The following BRAF variants were observed in gnomAD, a reference collection of about 807,000 sequenced individuals.
BRAF encodes the protein serine/threonine-protein kinase B-raf.
BRAF carries 16 observed loss-of-function variants against 104.6 expected under a neutral mutation model. The observed-to-expected ratio is 0.15, with a 90% confidence interval of 0.10 to 0.23. BRAF has a LOEUF of 0.23. Among genes scored for constraint, BRAF ranks in the 10% least tolerant of loss-of-function variants. The probability of loss-of-function intolerance (pLI) is 1.00; values close to 1 mark genes in which losing one functional copy is unlikely to be tolerated. For missense variants in BRAF, 541 were observed against 937.3 expected (o/e 0.58, Z 5.52); for synonymous variants, 310 against 341.6 (o/e 0.91, Z 1.02).
chr7:140,760,153 C>G (rs1021862817), intron 14 of BRAF, among the ~76,000 whole-genome samples: 5 of 152,288 alleles, frequency 3.3e-5, no homozygotes, highest in African/African-American at 1.2e-4. Context: ...TGGATCATGC[C>G]TGTAATTCCA....
intron 2 of BRAF, among the ~76,000 whole-genome samples, chr7:140,847,233 C>T (rs1272090403): frequency 6.6e-6 from 1 of 151,812 alleles, no homozygotes; most frequent in African/African-American, 2.4e-5. Flanking sequence ...ATATATCCAT[C>T]CCCTCATTAA....
intron 19 of BRAF, chr7:140,733,766 T>G (rs147952030): frequency 1.2e-3 from 197 of 158,178 alleles, no homozygotes; most frequent in Non-Finnish European, 1.9e-3. Flanking sequence ...AAAACACACC[T>G]AAAAGTTCTC....
chr7:140,863,638 TG>T (rs1235324673), intron 1 of BRAF, among the ~76,000 whole-genome samples: 1 of 152,076 alleles, frequency 6.6e-6, no homozygotes, highest in Non-Finnish European at 1.5e-5. Flanking sequence ...ATCATGGGGG[TG>T]GATCTTTCAT....
intron 2 of BRAF, among the ~76,000 whole-genome samples, chr7:140,844,976 A>G (rs1808393433): frequency 6.6e-6 from 1 of 152,204 alleles, no homozygotes; most frequent in Non-Finnish European, 1.5e-5. Context: ...TTTGAAAAAG[A>G]ACAAAGTTGG....
chr7:140,831,148 C>T (rs1200558882), intron 3 of BRAF, among the ~76,000 whole-genome samples: 1 of 152,124 alleles, frequency 6.6e-6, no homozygotes, highest in Admixed American at 6.5e-5. Context: ...ACAACAATTG[C>T]AGACAATTGG....
At position 140,783,028 on chromosome 7, in the gene BRAF, T is replaced by C; in HGVS notation, c.1427A>G (p.Asn476Ser). 6.2e-7 allele frequency: 1 copy of C among 1,613,790 alleles called. No homozygotes were observed. Among genetic ancestry groups the C allele is most frequent in the Non-Finnish European group, 8.5e-7 (1 of 1,179,892 alleles). Residue 476 changes from asparagine to serine, a missense_variant, in exon 11 of 20, where the codon AAT (asparagine) becomes AGT (serine). By Grantham distance (46) the Asn-to-Ser change is conservative. Transcript: ENST00000644969. The part of the protein sequence containing the change: ...RKSSSSSEDR[N>S]RMKTLGRRDS... ...GATATCATATACTCTTACCATTCGA[T>C]TCCTGTCTTCTGAGGATGAAGATGA...
Position 140,759,341 on chromosome 7 carries a change from T to C in BRAF, c.1815-5108A>G, listed in dbSNP as rs75892190. Among the ~76,000 whole-genome samples the C allele has an allele frequency of 3.3e-4, 51 of 152,344 alleles. 2 individuals are homozygous for C. The East Asian group carries it at 9.4e-3, about 28-fold the overall frequency. On this transcript the variant is annotated intron_variant, in intron 14 of 19. Transcript: ENST00000644969. ...TACCAGCAATGTATGAGAGTTCCAGTTGTTCTTTATCCTTGATAATACTTT... is the reference window on the plus strand; with the variant it reads ...TACCAGCAATGTATGAGAGTTCCAGCTGTTCTTTATCCTTGATAATACTTT...
intron 9 of BRAF, among the ~76,000 whole-genome samples, chr7:140,786,396 G>C (rs549365904): frequency 5.3e-5 from 8 of 152,298 alleles, no homozygotes; most frequent in Non-Finnish European, 1.2e-4. Flanking sequence ...TCAACTCTAA[G>C]CATGATAAGC....
intron 19 of BRAF, chr7:140,731,953 C>G (rs1029957997): frequency 6.6e-6 from 1 of 151,168 alleles, no homozygotes; most frequent in African/African-American, 2.4e-5. Context: ...GGGCGGATCA[C>G]GAGGTCAGGA....
At chr7:140,886,768 G>A (rs1480285242) in intron 1 of BRAF, among the ~76,000 whole-genome samples, 2 of 152,282 alleles carry the variant, frequency 1.3e-5, no homozygotes, top group African/African-American at 4.8e-5. Flanking sequence ...TTGCGTGTGT[G>A]TGTATGTATG....
intron 1 of BRAF, among the ~76,000 whole-genome samples, chr7:140,922,426 A>C (rs1274977968): frequency 6.6e-6 from 1 of 152,236 alleles, no homozygotes; most frequent in Non-Finnish European, 1.5e-5. Context: ...CAAATAAAAT[A>C]GAAGGGTAGA....
intron 17 of BRAF, among the ~76,000 whole-genome samples, chr7:140,745,351 A>C (rs1287198529): frequency 6.6e-6 from 1 of 152,244 alleles, no homozygotes; most frequent in East Asian, 1.9e-4. Flanking sequence ...AAAAAAATCA[A>C]AGACAACTCT....
In BRAF at chr7:140,850,608, A is replaced by G. The variant is rs149418064; in HGVS notation, c.139-396T>C. 8.7e-4 allele frequency among the ~76,000 whole-genome samples: 133 copies of G among 152,304 alleles called. 2 individuals are homozygous for G. The highest frequency in any genetic ancestry group is 2.7e-3 in the African/African-American group (114 of 41,574). On this transcript the variant is annotated intron_variant, in intron 1 of 19. Coordinates refer to ENST00000644969, the MANE Select transcript of BRAF (RefSeq NM_001374258.1). ...ATATATGAAATGTACACATATAATT[A>G]AATACTATATATAAAATACTTTTAA...
chr7:140,746,042 TA>T (rs1443405260), intron 17 of BRAF, among the ~76,000 whole-genome samples: 1 of 152,160 alleles, frequency 6.6e-6, no homozygotes, highest in Non-Finnish European at 1.5e-5. Context: ...TAACACCCCG[TA>T]AATCTACTCT....
chr7:140,806,941 T>G (rs1205178080), intron 5 of BRAF, among the ~76,000 whole-genome samples: 1 of 152,118 alleles, frequency 6.6e-6, no homozygotes, highest in East Asian at 1.9e-4. Context: ...GGAAAACACT[T>G]GACGCCTAAA....
intron 9 of BRAF, among the ~76,000 whole-genome samples, 186 bp downstream of exon 9, chr7:140,787,362 T>C (rs1447742484): frequency 1.3e-5 from 2 of 151,004 alleles, no homozygotes; most frequent in East Asian, 3.9e-4. Context: ...TCTACTCATG[T>C]TATAAACTAG....
intron 1 of BRAF, among the ~76,000 whole-genome samples, chr7:140,885,053 G>A (rs555671203): frequency 6.6e-6 from 1 of 152,172 alleles, no homozygotes; most frequent in African/African-American, 2.4e-5. Flanking sequence ...CCAGGCTGGA[G>A]TGCAATGGCA....
chr7:140,904,850 G>A (rs760959187), intron 1 of BRAF, among the ~76,000 whole-genome samples: 6 of 152,078 alleles, frequency 3.9e-5, no homozygotes, highest in South Asian at 2.1e-4. Flanking sequence ...CTCGTGATCC[G>A]CCTGCCTCGG....
intron 1 of BRAF, among the ~76,000 whole-genome samples, chr7:140,879,341 C>T (rs1242704415): frequency 6.6e-6 from 1 of 151,606 alleles, no homozygotes; most frequent in East Asian, 1.9e-4. Flanking sequence ...ACCACCACGC[C>T]CAGCTAATTT....
Sources: gnomAD v4.1 joint callset for allele counts (sites outside exome capture counted in the v4.1 genomes callset) on GRCh38, gnomAD v4.1.1 for gene constraint, MANE v1.5 for transcripts, NCBI Gene and HGNC (gene_info 2026-07-23, HGNC 2026-07-21) for gene names.